Variants in RBFOX1 observed in about 807,000 individuals in gnomAD.
The protein encoded by RBFOX1 is RNA binding fox-1 homolog 1.
RBFOX1 carries 8 observed loss-of-function variants against 57.7 expected under a neutral mutation model. That is an observed-to-expected ratio of 0.14 (90% CI 0.08 to 0.25). The LOEUF (loss-of-function observed/expected upper bound fraction) is 0.25, where lower values mean the gene tolerates loss of function less well. Ranked by LOEUF, RBFOX1 falls within the 10% of genes least tolerant of loss-of-function variation. The pLI, the probability that RBFOX1 is intolerant of heterozygous loss-of-function variation, is 1.00. For missense variants in RBFOX1, 611 were observed against 548.5 expected (o/e 1.11, Z -1.14); for synonymous variants, 326 against 222.4 (o/e 1.47, Z -4.15).
intron 2 of RBFOX1, among the ~76,000 whole-genome samples, chr16:6,528,045 A>T (rs35090327): frequency 0.03 from 4,636 of 152,190 alleles, 112 homozygotes; most frequent in Non-Finnish European, 0.047. Flanking sequence ...CTTCTACCTT[A>T]CATCCTTTCC....
At chr16:6,158,349 GAA>G (rs2096853369) in intron 1 of RBFOX1, among the ~76,000 whole-genome samples, 1 of 152,214 alleles carries the variant, frequency 6.6e-6, no homozygotes, top group African/African-American at 2.4e-5. Flanking sequence ...TTCTGTGTCA[GAA>G]GTTCAGTGGG....
intron 1 of RBFOX1, among the ~76,000 whole-genome samples, chr16:5,334,549 G>C (rs1241697757): frequency 6.6e-6 from 1 of 152,048 alleles, no homozygotes. Context: ...AGAAGGAACA[G>C]AAGGAACAGG....
At chr16:6,462,253 A>G (rs535352731) in intron 2 of RBFOX1, among the ~76,000 whole-genome samples, 1 of 152,304 alleles carries the variant, frequency 6.6e-6, no homozygotes, top group Non-Finnish European at 1.5e-5. Flanking sequence ...GGAGGGGCAG[A>G]ATTTCCATTG....
intron 3 of RBFOX1, among the ~76,000 whole-genome samples, chr16:5,651,078 G>C (rs1174309982): frequency 1.6e-5 from 1 of 63,130 alleles, no homozygotes; most frequent in Admixed American, 3.2e-4. Flanking sequence ...TTTGAGACAG[G>C]GTCTCACTCT....
At chr16:6,666,792 G>A (rs1308675130) in intron 3 of RBFOX1, among the ~76,000 whole-genome samples, 1 of 151,994 alleles carries the variant, frequency 6.6e-6, no homozygotes, top group Non-Finnish European at 1.5e-5. Flanking sequence ...GAAAAACCTT[G>A]GCCACTGCTA....
chr16:7,076,249 G>T (rs930686210), intron 4 of RBFOX1, among the ~76,000 whole-genome samples: 1 of 151,556 alleles, frequency 6.6e-6, no homozygotes, highest in Admixed American at 6.6e-5. Flanking sequence ...GGCCAGGATG[G>T]TCTTGATCTC....
At chr16:6,378,480 G>A (rs1459425014) in intron 2 of RBFOX1, among the ~76,000 whole-genome samples, 2 of 152,308 alleles carry the variant, frequency 1.3e-5, no homozygotes, top group South Asian at 4.1e-4. Flanking sequence ...TTTGGTCTTG[G>A]TGTTCCATCT....
At chr16:7,187,533 C>T (rs897656736) in intron 4 of RBFOX1, among the ~76,000 whole-genome samples, 3 of 150,778 alleles carry the variant, frequency 2.0e-5, no homozygotes, top group Admixed American at 6.6e-5. Flanking sequence ...ACTAAAAATA[C>T]AAAAAATTAG....
At chr16:7,227,561 G>A (rs2093220446) in intron 4 of RBFOX1, among the ~76,000 whole-genome samples, 1 of 152,190 alleles carries the variant, frequency 6.6e-6, no homozygotes, top group South Asian at 2.1e-4. Flanking sequence ...AGCTTTCGGA[G>A]TCCGAAAGCA....
intron 15 of RBFOX1, chr16:7,710,346 G>A (rs551625018): frequency 1.6e-6 from 2 of 1,272,368 alleles, no homozygotes; most frequent in East Asian, 3.8e-5. Context: ...ATGAGACAGT[G>A]AAAATCCTTC....
rs750285832 is a variant in RBFOX1 at position 6,892,775 on chromosome 16, CCTCTCTCTCT to C, written c.-15-159239_-15-159230del. On this transcript the variant is annotated intron_variant, in intron 3 of 15. Coordinates refer to ENST00000550418, the MANE Select transcript of RBFOX1 (RefSeq NM_018723.4). The stretch of plus-strand genomic sequence containing the variant: ...CATATTCTCAAAGCCTCCCTGTCTC[CCTCTCTCTCT>C]CTCTCTCTCTCTCTCTCTCTCTCTC... 4.1e-3 allele frequency among the ~76,000 whole-genome samples: 346 copies of C among 84,674 alleles called. 1 individual carries two copies. The highest frequency in any genetic ancestry group is 0.019 in the Middle Eastern group (2 of 106). 55.5% of individuals were successfully genotyped at this position (84,674 alleles called of 152,430 possible).
Position 6,995,513 on chromosome 16 carries a change from C to A in RBFOX1, c.-15-56544C>A, listed in dbSNP as rs555347877. Among the ~76,000 whole-genome samples the A allele has an allele frequency of 1.1e-4, 16 of 152,148 alleles. No homozygotes were observed. In the South Asian group the frequency reaches 3.1e-3, roughly 30 times the overall value. ...GGTGTGGTGGCTCACGCATGTAATCCCACTACTTTGGGAGGCCAAGGAGGG... is the reference window on the plus strand; with the variant it reads ...GGTGTGGTGGCTCACGCATGTAATCACACTACTTTGGGAGGCCAAGGAGGG... On this transcript the variant is annotated intron_variant, in intron 3 of 15. Transcript: ENST00000550418.
chr16:5,705,525 C>G (rs998745434), intron 3 of RBFOX1, among the ~76,000 whole-genome samples: 5 of 152,138 alleles, frequency 3.3e-5, no homozygotes, highest in Admixed American at 1.3e-4. Context: ...TTTTAAACAC[C>G]TCTGTAATCA....
rs1026367173 is a variant in RBFOX1 at position 6,140,502 on chromosome 16, G to T, written c.-127+120510G>T. 2.6e-5 allele frequency among the ~76,000 whole-genome samples: 4 copies of T among 152,176 alleles called. No individual in the cohort carries two copies. The East Asian group carries it at 5.8e-4, about 22-fold the overall frequency. ...TGAGCCCCTGTGCCCAGCCAGAAAT[G>T]CTTCTACTTTCTCCTGTAGGGTGGC... is the stretch of plus-strand genomic sequence containing the variant. On this transcript the variant is annotated intron_variant, in intron 1 of 15. Transcript: ENST00000550418.
intron 2 of RBFOX1, among the ~76,000 whole-genome samples, chr16:5,578,836 C>T (rs2046558680): frequency 7.2e-6 from 1 of 139,136 alleles, no homozygotes; most frequent in African/African-American, 2.7e-5. Flanking sequence ...CACACACACA[C>T]ACACACCCTT....
chr16:5,360,428 C>G (rs953987031), intron 1 of RBFOX1, among the ~76,000 whole-genome samples: 2 of 152,230 alleles, frequency 1.3e-5, no homozygotes, highest in African/African-American at 2.4e-5. Context: ...AGGTGCCAGG[C>G]TGGCTGGCTT....
chr16:7,268,693 GTA>G, intron 4 of RBFOX1, among the ~76,000 whole-genome samples: 1 of 152,070 alleles, frequency 6.6e-6, no homozygotes, highest in East Asian at 1.9e-4. Flanking sequence ...TTGGAAATTA[GTA>G]CTAGAGCCTC....
intron 2 of RBFOX1, among the ~76,000 whole-genome samples, chr16:6,440,360 C>T (rs138872187): frequency 4.5e-4 from 68 of 152,248 alleles, no homozygotes; most frequent in African/African-American, 1.6e-3. Context: ...GAGTAGTACT[C>T]ATCTATGTCT....
intron 1 of RBFOX1, among the ~76,000 whole-genome samples, chr16:6,124,433 G>A (rs115193383): frequency 0.016 from 2,461 of 152,192 alleles, 79 homozygotes; most frequent in African/African-American, 0.056. Flanking sequence ...TGACCCCTAG[G>A]GATTGACCCC....
Sources: allele counts gnomAD v4.1 joint callset (sites outside exome capture counted in the v4.1 genomes callset), GRCh38; gene constraint gnomAD v4.1.1; transcripts MANE v1.5; gene names NCBI Gene and HGNC (gene_info 2026-07-23, HGNC 2026-07-21).